Variants in KRT39 observed in about 807,000 individuals in gnomAD.
KRT39 encodes keratin, type I cytoskeletal 39.
In KRT39, 47 loss-of-function variants were observed where a neutral mutation model predicts 54.8. The ratio of observed to expected loss-of-function variants is 0.86; its 90% CI spans 0.68 to 1.09. The LOEUF (loss-of-function observed/expected upper bound fraction) is 1.09, where lower values mean the gene tolerates loss of function less well. KRT39 is among the 50% of genes least tolerant of loss of function. The pLI, the probability that KRT39 is intolerant of heterozygous loss-of-function variation, is 0.00. For synonymous variants in KRT39, 207 were observed against 227.9 expected (o/e 0.91, Z 0.83); for missense variants, 580 against 598.5 (o/e 0.97, Z 0.32).
At position 40,963,766 on chromosome 17, in the gene KRT39, G is replaced by C; in HGVS notation, c.569C>G (p.Ser190Cys). The C allele has an allele frequency of 6.3e-7, 1 of 1,591,766 alleles. No individual in the cohort carries two copies. Among genetic ancestry groups the C allele is most frequent in the Non-Finnish European group, 8.6e-7 (1 of 1,162,582 alleles). ...DLRAKYEAEV[S>C]LRQLVESDAN... ...ATCTGACTCTACCAGCTGGCGTAGA[G>C]ACACCTCAGCTTCGTATCTTTAAAA... The change falls in exon 3 of 7, where the codon TCT becomes TGT. Residue 190 changes from serine to cysteine, a missense_variant. Transcript: ENST00000355612.
intron 6 of KRT39, among the ~76,000 whole-genome samples, chr17:40,959,940 A>G (rs1449844827): frequency 1.3e-5 from 2 of 152,172 alleles, no homozygotes; most frequent in East Asian, 3.8e-4. Flanking sequence ...CAGTGGGGAA[A>G]CATCTGTAAT....
At chr17:40,964,836 G>A (rs1451704811) in intron 1 of KRT39, among the ~76,000 whole-genome samples, 1 of 152,130 alleles carries the variant, frequency 6.6e-6, no homozygotes, top group African/African-American at 2.4e-5. Flanking sequence ...GCTGAGGCGG[G>A]CGGATCACGA....
At chr17:40,960,198 T>C in intron 6 of KRT39, 83 bp downstream of exon 6, 1 of 1,232,744 alleles carries the variant, frequency 8.1e-7, no homozygotes, top group South Asian at 1.3e-5. Context: ...AACAAAGCAC[T>C]TGACCCCTGT....
At chr17:40,966,340 G>A (rs1411449828) in intron 1 of KRT39, 49 bp downstream of exon 1, 1 of 1,388,070 alleles carries the variant, frequency 7.2e-7, no homozygotes, top group Admixed American at 2.0e-5. Flanking sequence ...ACTGTTGCTT[G>A]GAAACCATTA....
intron 2 of KRT39, 83 bp from the exon 3 acceptor site, chr17:40,963,866 G>A: frequency 9.1e-7 from 1 of 1,096,750 alleles, no homozygotes; most frequent in Non-Finnish European, 1.3e-6. Context: ...TCTGCATTTT[G>A]CTCTGGGCAC....
At position 40,965,232 on chromosome 17, in the gene KRT39, T is replaced by G. The variant is rs966464021; in HGVS notation, c.469-704A>C. ...AAAAAAAAAAAATACAAAAATTATC[T>G]GGGTGTGGTGGTGCGTGCCTGTAGA... On this transcript the variant is annotated intron_variant, in intron 1 of 6. Transcript: ENST00000355612. 1.5e-3 allele frequency among the ~76,000 whole-genome samples: 220 copies of G among 149,006 alleles called. 1 individual carries two copies. Among genetic ancestry groups the G allele is most frequent in the Admixed American group, 2.8e-3 (42 of 15,054 alleles).
At chr17:40,966,067 A>G (rs200578727) in intron 1 of KRT39, among the ~76,000 whole-genome samples, 56 of 147,428 alleles carry the variant, frequency 3.8e-4, no homozygotes, top group African/African-American at 1.0e-3. Flanking sequence ...TTGTGTGTGT[A>G]TGTGTGTGTG....
rs1343408228 is a variant in KRT39, at chr17:40,962,270, T to C, written c.888A>G (p.Gln296=). The C allele has an allele frequency of 3.1e-6, 5 of 1,614,108 alleles. No homozygotes were observed. The highest frequency in any genetic ancestry group is 4.2e-6 in the Non-Finnish European group (5 of 1,180,040). The part of the protein sequence containing the change: ...WFNTQIEELN[Q]QVVTSSQQQQ... ...GCTGTTGAGAGCTGGTCACCACTTG[T>C]TGATTCAGCTCCTCTATCTGAAACA... Residue 296 remains glutamine (Q), a synonymous_variant, in exon 5 of 7, where the codon CAA becomes CAG. Coordinates refer to ENST00000355612, the MANE Select transcript of KRT39 (RefSeq NM_213656.4).
intron 2 of KRT39, 38 bp downstream of exon 2, chr17:40,964,408 T>G (rs776236496): frequency 1.8e-4 from 279 of 1,562,728 alleles, no homozygotes; most frequent in Middle Eastern, 5.0e-4. Flanking sequence ...AGACTCAGGG[T>G]GAGCTCTGTC....
intron 5 of KRT39, among the ~76,000 whole-genome samples, chr17:40,961,826 T>C (rs1269280848): frequency 6.6e-6 from 1 of 152,224 alleles, no homozygotes; most frequent in East Asian, 1.9e-4. Flanking sequence ...CAAAGTGTAC[T>C]TCATGAATCA....
In KRT39 at chr17:40,960,483, T is replaced by C. The variant is rs376229890; in HGVS notation, c.1015A>G (p.Ile339Val). The C allele has an allele frequency of 2.5e-6, 4 of 1,613,934 alleles. No homozygotes were observed. Among genetic ancestry groups the C allele is most frequent in the Non-Finnish European group, 8.5e-7 (1 of 1,179,840 alleles). Residue 339 changes from isoleucine (I) to valine (V), a missense_variant, in exon 6 of 7, where the codon ATC becomes GTC. Physicochemically the swap from Ile to Val is conservative, Grantham distance 29. Coordinates refer to ENST00000355612, the MANE Select transcript of KRT39 (RefSeq NM_213656.4). The part of the protein sequence containing the change: ...QHRMRDSQEC[I>V]LTETEARYTA... ...TAGCGAGCCTCTGTCTCCGTTAGGA[T>C]GCACTCTTGGGAATCTCTCTACCAT...
Position 40,958,541 on chromosome 17 carries a change from G to T in KRT39, c.*60C>A. 1.3e-6 allele frequency: 2 copies of T among 1,530,906 alleles called. No homozygotes were observed. The highest frequency in any genetic ancestry group is 1.8e-6 in the Non-Finnish European group (2 of 1,139,330). 94.8% of individuals were successfully genotyped at this position (1,530,906 alleles called of 1,614,324 possible). A position where few individuals can be genotyped will look rare whatever the true frequency, so the allele number is the denominator to read the frequency against. On this transcript the variant is annotated 3_prime_UTR_variant, in exon 7 of 7. Coordinates refer to ENST00000355612, the MANE Select transcript of KRT39 (RefSeq NM_213656.4). ...TGGGGAGTTTTCTTAAACCTCTCTG[G>T]CAGGAGCATGTATTGGCCTCTGTTT...
At chr17:40,962,109 T>C (rs1292290502) in intron 5 of KRT39, 53 bp downstream of exon 5, 1 of 1,599,672 alleles carries the variant, frequency 6.3e-7, no homozygotes, top group African/African-American at 1.3e-5. Flanking sequence ...CACACAGGTG[T>C]AAGGGACTGT....
chr17:40,964,393 C>T (rs988625220), intron 2 of KRT39, 53 bp downstream of exon 2: 45 of 1,494,696 alleles, frequency 3.0e-5, no homozygotes, highest in South Asian at 2.5e-4. Flanking sequence ...GAGGGCATCT[C>T]GGTCAGACTC....
At position 40,963,932 on chromosome 17, in the gene KRT39, G is replaced by T. The variant is rs937978509; in HGVS notation, c.552-149C>A. 7 of 559,712 alleles carry T rather than the reference G, an allele frequency of 1.3e-5. No homozygotes were observed. The Admixed American group carries it at 2.2e-4, about 18-fold the overall frequency. The allele number at this position is 559,712 out of a possible 1,614,324, so 34.7% of individuals were successfully genotyped here. A position where few individuals can be genotyped will look rare whatever the true frequency, so the allele number is the denominator to read the frequency against. On this transcript the variant is annotated intron_variant, in intron 2 of 6. Transcript: ENST00000355612. ...ATTCTCTTTGGAGGTGAAACCATTT[G>T]ATATAGATCATAACTTAATTATTAT...
At position 40,962,642 on chromosome 17, in the gene KRT39, G is replaced by A. The variant is rs1597905274; in HGVS notation, c.709-79C>T. 2.5e-5 allele frequency: 31 copies of A among 1,238,610 alleles called. No homozygotes were observed. The East Asian group carries it at 2.6e-4, about 10-fold the overall frequency. The allele number at this position is 1,238,610 out of a possible 1,614,324, so 76.7% of individuals were successfully genotyped here. ...GTTCTTGTTTCACTCTAACTGCTACGATTTAGCTTAATTGTGTCTAAAATA... is the reference window on the plus strand; with the variant it reads ...GTTCTTGTTTCACTCTAACTGCTACAATTTAGCTTAATTGTGTCTAAAATA... On this transcript the variant is annotated intron_variant, in intron 3 of 6. Transcript: ENST00000355612.
At position 40,958,803 on chromosome 17, in the gene KRT39, T is replaced by A. The variant is rs1340663560; in HGVS notation, c.1274A>T (p.Lys425Met). The A allele has an allele frequency of 6.2e-7, 1 of 1,612,752 alleles. No homozygotes were observed. ...KCEPSPWTSC[K>M]SGAIESTAPA... ...GGCCGTGCTTTCTATGGCTCCGGAC[T>A]TACAAGATGTCCAAGGGGAAGGCTC... The change falls in exon 7 of 7, where the codon AAG becomes ATG. Residue 425 changes from lysine to methionine, a missense_variant. Lys to Met is a moderately conservative substitution (Grantham distance 95, BLOSUM62 -1). Transcript: ENST00000355612.
chr17:40,960,522 A>G (rs1230318052), intron 5 of KRT39, 21 bp from the exon 6 acceptor site: 1 of 1,586,954 alleles, frequency 6.3e-7, no homozygotes, highest in Non-Finnish European at 8.7e-7. Context: ...GAAGGATAGT[A>G]GGATTTATAA....
intron 1 of KRT39, among the ~76,000 whole-genome samples, chr17:40,966,071 G>A (rs1442544704): frequency 6.1e-4 from 70 of 115,292 alleles, no homozygotes; most frequent in African/African-American, 2.4e-3. Flanking sequence ...GTGTGTATGT[G>A]TGTGTGTGTG....
Sources: allele counts gnomAD v4.1 joint callset (sites outside exome capture counted in the v4.1 genomes callset), GRCh38; gene constraint gnomAD v4.1.1; transcripts MANE v1.5; gene names NCBI Gene and HGNC (gene_info 2026-07-23, HGNC 2026-07-21).